Variants in BRINP3 observed in about 807,000 individuals in gnomAD.
The protein encoded by BRINP3 is BMP/retinoic acid-inducible neural-specific protein 3.
In BRINP3, 19 loss-of-function variants were observed where a neutral mutation model predicts 71.0. That is an observed-to-expected ratio of 0.27 (90% confidence interval 0.19 to 0.39). The LOEUF (loss-of-function observed/expected upper bound fraction) is 0.39, where lower values mean the gene tolerates loss of function less well. Ranked by LOEUF, BRINP3 falls within the 10% of genes least tolerant of loss-of-function variation. The pLI is 1.00. For missense variants in BRINP3, 959 were observed against 940.8 expected (o/e 1.02, Z -0.25); for synonymous variants, 380 against 337.7 (o/e 1.13, Z -1.37).
intron 2 of BRINP3, among the ~76,000 whole-genome samples, chr1:190,387,463 A>G (rs1670985036): frequency 6.6e-6 from 1 of 151,866 alleles, no homozygotes; most frequent in Admixed American, 6.6e-5. Context: ...GTCAAAATGA[A>G]TTTGGGTCAC....
chr1:190,230,173 T>C (rs570564516), intron 5 of BRINP3, among the ~76,000 whole-genome samples: 1 of 152,014 alleles, frequency 6.6e-6, no homozygotes, highest in African/African-American at 2.4e-5. Flanking sequence ...AAGATTTGTG[T>C]TATGATGGAA....
At chr1:190,207,755 A>T (rs1655637762) in intron 6 of BRINP3, among the ~76,000 whole-genome samples, 1 of 152,182 alleles carries the variant, frequency 6.6e-6, no homozygotes, top group South Asian at 2.1e-4. Flanking sequence ...ATTGAATTAC[A>T]TAATGATAAT....
At chr1:190,344,066 T>C (rs1667848517) in intron 2 of BRINP3, among the ~76,000 whole-genome samples, 1 of 151,802 alleles carries the variant, frequency 6.6e-6, no homozygotes, top group Admixed American at 6.6e-5. Context: ...ACAACATATA[T>C]GTGATAAAAC....
chr1:190,402,276 T>G (rs1382956846), intron 2 of BRINP3, among the ~76,000 whole-genome samples: 1 of 152,156 alleles, frequency 6.6e-6, no homozygotes, highest in Admixed American at 6.6e-5. Context: ...ACACAGTTGA[T>G]TCTAGTTTTC....
chr1:190,160,959 G>T, intron 6 of BRINP3, 69 bp from the exon 7 acceptor site: 1 of 1,098,754 alleles, frequency 9.1e-7, no homozygotes, highest in Non-Finnish European at 1.3e-6. Context: ...AAACACGTAT[G>T]TCAATATTAA....
intron 2 of BRINP3, among the ~76,000 whole-genome samples, chr1:190,287,336 T>C (rs1173306776): frequency 6.6e-6 from 1 of 152,206 alleles, no homozygotes; most frequent in Non-Finnish European, 1.5e-5. Flanking sequence ...TGGATGCCTG[T>C]ACCACTGAAG....
intron 2 of BRINP3, among the ~76,000 whole-genome samples, chr1:190,356,595 C>T (rs76544826): frequency 0.011 from 1,623 of 152,062 alleles, 27 homozygotes; most frequent in African/African-American, 0.038. Flanking sequence ...TCTATGGTCA[C>T]ATCTTGTTCT....
In BRINP3 at chr1:190,267,738, A is replaced by G. The variant is rs1465228393; in HGVS notation, c.428-2683T>C. Among the ~76,000 whole-genome samples the G allele has an allele frequency of 3.9e-4, 60 of 152,066 alleles. 1 individual carries two copies. The highest frequency in any genetic ancestry group is 3.9e-3 in the Admixed American group (59 of 15,258). On this transcript the variant is annotated intron_variant, in intron 3 of 7. Transcript: ENST00000367462. ...ACAGAATAAATATATAATAAAACAG[A>G]GAATAGAGCATTTACTTAAAAACAG...
At chr1:190,251,220 C>A (rs1660111729) in intron 4 of BRINP3, among the ~76,000 whole-genome samples, 1 of 151,778 alleles carries the variant, frequency 6.6e-6, no homozygotes, top group South Asian at 2.1e-4. Context: ...ATTCCTGAGT[C>A]CTATGTATTT....
At chr1:190,454,163 G>C (rs1234874338) in intron 2 of BRINP3, among the ~76,000 whole-genome samples, 1 of 152,020 alleles carries the variant, frequency 6.6e-6, no homozygotes, top group Non-Finnish European at 1.5e-5. Context: ...CTATTTATCT[G>C]CTACTTGTTT....
chr1:190,204,765 T>A (rs1655345792), intron 6 of BRINP3, among the ~76,000 whole-genome samples: 1 of 152,010 alleles, frequency 6.6e-6, no homozygotes, highest in Non-Finnish European at 1.5e-5. Flanking sequence ...ATTGTAACGA[T>A]GTTTGAGAAC....
chr1:190,421,007 C>T (rs1284437318), intron 2 of BRINP3, among the ~76,000 whole-genome samples: 1 of 151,674 alleles, frequency 6.6e-6, no homozygotes, highest in Non-Finnish European at 1.5e-5. Context: ...ATAAGAATTG[C>T]ATGATTCTCA....
intron 1 of BRINP3, among the ~76,000 whole-genome samples, chr1:190,463,594 T>A (rs1029409777): frequency 6.6e-6 from 1 of 151,832 alleles, no homozygotes; most frequent in African/African-American, 2.4e-5. Context: ...ACATTATCTT[T>A]TTACATGTGT....
chr1:190,308,557 G>A (rs1665290258), intron 2 of BRINP3, among the ~76,000 whole-genome samples: 1 of 151,740 alleles, frequency 6.6e-6, no homozygotes, highest in Admixed American at 6.6e-5. Flanking sequence ...ACGAGTTAAT[G>A]GGTGCAGCAC....
chr1:190,266,761 A>C (rs1040144986), intron 3 of BRINP3, among the ~76,000 whole-genome samples: 2 of 152,202 alleles, frequency 1.3e-5, no homozygotes, highest in African/African-American at 4.8e-5. Flanking sequence ...AATACCCTGT[A>C]GATAGATGTA....
chr1:190,376,747 T>C (rs1386097384), intron 2 of BRINP3, among the ~76,000 whole-genome samples: 1 of 152,098 alleles, frequency 6.6e-6, no homozygotes, highest in African/African-American at 2.4e-5. Flanking sequence ...ACCTTTGACA[T>C]AATCAAATCC....
At chr1:190,142,742 A>G (rs1266797191) in intron 7 of BRINP3, among the ~76,000 whole-genome samples, 1 of 152,100 alleles carries the variant, frequency 6.6e-6, no homozygotes, top group Non-Finnish European at 1.5e-5. Flanking sequence ...TAAAAAAATT[A>G]AAAATATGGA....
chr1:190,377,566 T>C (rs561795364), intron 2 of BRINP3, among the ~76,000 whole-genome samples: 1 of 148,618 alleles, frequency 6.7e-6, no homozygotes, highest in African/African-American at 2.4e-5. Flanking sequence ...TATATATATA[T>C]GTAATCTGTT....
In BRINP3 at chr1:190,098,225, T is replaced by G. The variant is rs778141862; in HGVS notation, c.2094A>C (p.Ser698=). Residue 698 remains serine (S), a synonymous_variant, in exon 8 of 8, where the codon TCA becomes TCC. Coordinates refer to ENST00000367462, the MANE Select transcript of BRINP3 (RefSeq NM_199051.3). ...DYPYTQGSQD[S]ALLQLLEIRD... is the part of the protein sequence containing the mutation. Reference sequence around the variant, plus strand: ...TGATCTCTAGTAGTTGCAAAAGTGCTGAATCCTGGGATCCCTGAGTATAGG... The same window carrying G: ...TGATCTCTAGTAGTTGCAAAAGTGCGGAATCCTGGGATCCCTGAGTATAGG... 2 of 1,614,074 alleles carry G rather than the reference T, an allele frequency of 1.2e-6. No homozygotes were observed. Among genetic ancestry groups the G allele is most frequent in the Non-Finnish European group, 1.7e-6 (2 of 1,180,044 alleles).
Sources: allele counts gnomAD v4.1 joint callset (sites outside exome capture counted in the v4.1 genomes callset), GRCh38; gene constraint gnomAD v4.1.1; transcripts MANE v1.5; gene names NCBI Gene and HGNC (gene_info 2026-07-23, HGNC 2026-07-21).